Variants in LEMD1 observed in about 807,000 individuals in gnomAD.
LEMD1 encodes LEM domain-containing protein 1.
Under a neutral mutation model 17.4 loss-of-function variants are expected in LEMD1, and 18 were observed. The ratio of observed to expected loss-of-function variants is 1.04; its 90% CI spans 0.72 to 1.54. The LOEUF (loss-of-function observed/expected upper bound fraction) is 1.54, where lower values mean the gene tolerates loss of function less well. Ranked by LOEUF, LEMD1 falls within the 40% of genes most tolerant of loss-of-function variation. The probability of loss-of-function intolerance (pLI) is 0.00; values close to 1 mark genes in which losing one functional copy is unlikely to be tolerated. For synonymous variants in LEMD1, 88 were observed against 77.8 expected, an observed-to-expected ratio of 1.13 and a Z score of -0.69; for missense variants, 195 against 210.4, an observed-to-expected ratio of 0.93 and a Z score of 0.45.
Position 205,420,463 on chromosome 1 carries a change from G to T in LEMD1, c.74C>A (p.Pro25Gln), listed in dbSNP as rs2102441545. The T allele has an allele frequency of 6.2e-7, 1 of 1,612,474 alleles. No homozygotes were observed. The highest frequency in any genetic ancestry group is 2.2e-5 in the East Asian group (1 of 44,870). ...CTGCATACTGTACATACGTAGTATT[G>T]GGCCAGGTGAAAATCCAAGCTTCTC... is the stretch of plus-strand genomic sequence containing the variant. ...QLEKLGFSPG[P>Q]ILPSTRKLYE... The change falls in exon 2 of 6, where the codon CCA becomes CAA. Residue 25 changes from proline to glutamine, a missense_variant. Physicochemically the swap from Pro to Gln is moderately conservative, Grantham distance 76. Transcript: ENST00000367153.
intron 4 of LEMD1, among the ~76,000 whole-genome samples, chr1:205,388,015 G>A (rs6686635): frequency 0.03 from 4,516 of 152,268 alleles, 235 homozygotes; most frequent in African/African-American, 0.1. Flanking sequence ...CCTGAGGCAT[G>A]GAGCGTTTAA....
At chr1:205,392,671 G>A (rs1664398595) in intron 4 of LEMD1, among the ~76,000 whole-genome samples, 1 of 152,102 alleles carries the variant, frequency 6.6e-6, no homozygotes, top group African/African-American at 2.4e-5. Context: ...CTGAATGACA[G>A]AGAGAAAATA....
At chr1:205,391,664 G>A (rs1323905308) in intron 4 of LEMD1, among the ~76,000 whole-genome samples, 1 of 152,108 alleles carries the variant, frequency 6.6e-6, no homozygotes, top group Admixed American at 6.6e-5. Flanking sequence ...AGCAGCCCAG[G>A]AGTAAGGAGG....
At chr1:205,387,277 T>A (rs897675835) in intron 4 of LEMD1, 11 of 152,142 alleles carry the variant, frequency 7.2e-5, no homozygotes, top group African/African-American at 2.4e-4. Context: ...CAATAATAAT[T>A]ATTATTATAA....
At chr1:205,409,232 A>G (rs1665270559) in intron 4 of LEMD1, among the ~76,000 whole-genome samples, 1 of 152,242 alleles carries the variant, frequency 6.6e-6, no homozygotes, top group Admixed American at 6.5e-5. Flanking sequence ...ATTTACTTCT[A>G]TAAATATATC....
Position 205,441,903 on chromosome 1 carries a change from G to A in LEMD1, c.-39+7965C>T, listed in dbSNP as rs1056388741. Among the ~76,000 whole-genome samples, 1 of 152,196 alleles carries A rather than the reference G, an allele frequency of 6.6e-6. No homozygotes were observed. The highest frequency in any genetic ancestry group is 1.5e-5 in the Non-Finnish European group (1 of 68,022). On this transcript the variant is annotated intron_variant, in intron 1 of 3. Transcript: ENST00000367154. This position sits in a 1 kb window ranked among gnomAD's most constrained non-coding sequence, Gnocchi z 4.3. Reference sequence around the variant, plus strand: ...GACCCGGCCCTCAGCAGGAGCCAGGGGCCGCTCTGGTATCTGTTGCAGTCT... The same window carrying A: ...GACCCGGCCCTCAGCAGGAGCCAGGAGCCGCTCTGGTATCTGTTGCAGTCT...
intron 1 of LEMD1, among the ~76,000 whole-genome samples, chr1:205,430,361 A>T (rs1356701431): frequency 2.0e-5 from 3 of 152,188 alleles, no homozygotes; most frequent in African/African-American, 7.2e-5. Flanking sequence ...AATGGAGCCC[A>T]TGAAGTCTTG....
chr1:205,392,602 A>G (rs559859036), intron 4 of LEMD1, among the ~76,000 whole-genome samples: 2 of 152,136 alleles, frequency 1.3e-5, no homozygotes, highest in South Asian at 2.1e-4. Context: ...ATGGCAGAAT[A>G]GAGAAGACAG....
Position 205,408,502 on chromosome 1 carries a change from CTTTTTT to C in LEMD1, c.270+7724_270+7729del. On this transcript the variant is annotated intron_variant, in intron 4 of 5. Transcript: ENST00000367153. ...TAACTTTTTCTTTCTTTCTTTCTTTCTTTTTTTTTTTTTTTTGAGACAGGATCTCAC... is the reference window on the plus strand; with the variant it reads ...TAACTTTTTCTTTCTTTCTTTCTTTCTTTTTTTTTTGAGACAGGATCTCAC... Among the ~76,000 whole-genome samples, 2 of 136,876 alleles carry C rather than the reference CTTTTTT, an allele frequency of 1.5e-5. 1 individual carries two copies. The highest frequency in any genetic ancestry group is 4.7e-4 in the South Asian group (2 of 4,288). The allele number at this position is 136,876 out of a possible 152,430, so 89.8% of individuals were successfully genotyped here.
At chr1:205,406,575 G>T (rs1397814547) in intron 4 of LEMD1, among the ~76,000 whole-genome samples, 1 of 152,238 alleles carries the variant, frequency 6.6e-6, no homozygotes, top group Non-Finnish European at 1.5e-5. Flanking sequence ...CAGTATTCGA[G>T]TGGGAGTGGC....
intron 4 of LEMD1, among the ~76,000 whole-genome samples, chr1:205,394,365 T>TA (rs200593473): frequency 0.014 from 1,726 of 119,882 alleles, 27 homozygotes; most frequent in African/African-American, 0.05. Flanking sequence ...ATTATTTGTT[T>TA]ATTTAATTAA....
chr1:205,445,618 C>A (rs910945835), intron 1 of LEMD1, among the ~76,000 whole-genome samples: 2 of 152,228 alleles, frequency 1.3e-5, no homozygotes, highest in African/African-American at 4.8e-5. Context: ...CAAGGGCAGC[C>A]AAGCATTCTC....
At chr1:205,439,179 T>C (rs1214706489) in intron 1 of LEMD1, among the ~76,000 whole-genome samples, 3 of 152,206 alleles carry the variant, frequency 2.0e-5, no homozygotes, top group Non-Finnish European at 4.4e-5. Context: ...GCCTCTACTA[T>C]CCAAGAGGAC....
intron 4 of LEMD1, among the ~76,000 whole-genome samples, chr1:205,399,100 A>T (rs1664719379): frequency 6.6e-6 from 1 of 152,104 alleles, no homozygotes; most frequent in African/African-American, 2.4e-5. Flanking sequence ...CTGTAGTTCC[A>T]GCTACTCGGG....
chr1:205,425,381 T>G (rs2102449438), upstream of LEMD1, among the ~76,000 whole-genome samples: 1 of 151,506 alleles, frequency 6.6e-6, no homozygotes, highest in East Asian at 1.9e-4. Flanking sequence ...AGTGGGGAGG[T>G]GCGGAGGGGG....
At chr1:205,417,459 G>T (rs1167872203) in intron 3 of LEMD1, among the ~76,000 whole-genome samples, 2 of 152,136 alleles carry the variant, frequency 1.3e-5, no homozygotes, top group East Asian at 3.8e-4. Context: ...CTTCAACCTG[G>T]CATTGCTTTT....
chr1:205,420,253 G>A (rs538702885), intron 2 of LEMD1, among the ~76,000 whole-genome samples: 3 of 152,302 alleles, frequency 2.0e-5, no homozygotes, highest in African/African-American at 2.4e-5. Context: ...GGGAGGCAGA[G>A]GTTGCAGTAA....
chr1:205,449,336 G>A (rs954706015), intron 1 of LEMD1, among the ~76,000 whole-genome samples: 68 of 151,974 alleles, frequency 4.5e-4, no homozygotes, highest in African/African-American at 1.6e-3. Context: ...GGGCTTCTAG[G>A]GCTCCTGCTA....
At chr1:205,394,092 C>A (rs567709308) in intron 4 of LEMD1, among the ~76,000 whole-genome samples, 2 of 149,172 alleles carry the variant, frequency 1.3e-5, no homozygotes, top group East Asian at 3.9e-4. Context: ...TTATATGAAG[C>A]GAAAGAAGTG....
Sources: allele counts gnomAD v4.1 joint callset (sites outside exome capture counted in the v4.1 genomes callset), GRCh38; gene constraint gnomAD v4.1.1; non-coding constraint Gnocchi (gnomAD v3.1); transcripts MANE v1.5; gene names NCBI Gene and HGNC (gene_info 2026-07-23, HGNC 2026-07-21).